The following SPOCK3 variants were observed in gnomAD, a reference collection of about 807,000 sequenced individuals.
SPOCK3 encodes testican-3.
Under a neutral mutation model 56.6 loss-of-function variants are expected in SPOCK3, and 30 were observed. That is an observed-to-expected ratio of 0.53 (90% confidence interval 0.40 to 0.72). The LOEUF is 0.72. Ranked by LOEUF, SPOCK3 falls within the 30% of genes least tolerant of loss-of-function variation. SPOCK3 has a pLI of 0.00. For synonymous variants in SPOCK3, 196 were observed against 183.3 expected (o/e 1.07, Z -0.56); for missense variants, 527 against 530.0 (o/e 0.99, Z 0.06).
At chr4:166,941,429 C>T (rs1338542557) in intron 4 of SPOCK3, among the ~76,000 whole-genome samples, 3 of 152,152 alleles carry the variant, frequency 2.0e-5, no homozygotes, top group Admixed American at 6.5e-5. Flanking sequence ...TTATCAATTG[C>T]AGTATTATTC....
intron 8 of SPOCK3, chr4:166,754,175 C>G (rs1318221210): frequency 8.8e-6 from 9 of 1,025,788 alleles, no homozygotes; most frequent in Non-Finnish European, 1.1e-5. Flanking sequence ...ACATTGTGGG[C>G]AAAGCAGATA....
chr4:167,066,952 G>C (rs556146418), intron 2 of SPOCK3, among the ~76,000 whole-genome samples: 25 of 151,884 alleles, frequency 1.6e-4, no homozygotes, highest in African/African-American at 5.5e-4. Context: ...CAACTGTTTG[G>C]TTCATTTGTG....
intron 2 of SPOCK3, among the ~76,000 whole-genome samples, chr4:167,193,424 ATTTTATATTATTGAGG>A (rs1174891290): frequency 6.9e-6 from 1 of 145,974 alleles, no homozygotes. Flanking sequence ...CTCCACATAC[ATTTTATATTATTGAGG>A]TAATACTTTA....
intron 2 of SPOCK3, among the ~76,000 whole-genome samples, chr4:167,126,556 A>G (rs1403975176): frequency 6.6e-6 from 1 of 150,566 alleles, no homozygotes; most frequent in African/African-American, 2.5e-5. Flanking sequence ...TCAAAAAAAC[A>G]AACAAAAAAA....
chr4:167,076,210 A>G (rs1258480988), intron 2 of SPOCK3, among the ~76,000 whole-genome samples: 1 of 151,922 alleles, frequency 6.6e-6, no homozygotes, highest in African/African-American at 2.4e-5. Flanking sequence ...GTGCCATACT[A>G]TAATGGTGGA....
intron 2 of SPOCK3, among the ~76,000 whole-genome samples, chr4:167,194,084 C>T (rs1732711399): frequency 6.6e-6 from 1 of 152,044 alleles, no homozygotes; most frequent in African/African-American, 2.4e-5. Flanking sequence ...CTGCTTTCTT[C>T]ACTCTTTTTC....
At chr4:166,815,656 T>C (rs1439706997) in intron 6 of SPOCK3, among the ~76,000 whole-genome samples, 3 of 151,970 alleles carry the variant, frequency 2.0e-5, no homozygotes, top group Admixed American at 2.0e-4. Context: ...GGTGGGCACC[T>C]ATAAGCCCAG....
intron 2 of SPOCK3, among the ~76,000 whole-genome samples, chr4:167,088,032 A>G (rs1278787723): frequency 1.3e-5 from 2 of 152,132 alleles, no homozygotes; most frequent in Non-Finnish European, 2.9e-5. Flanking sequence ...TCTATCAGAA[A>G]TAAGAGAAAT....
chr4:166,853,143 A>G (rs1730308095), intron 6 of SPOCK3, among the ~76,000 whole-genome samples: 1 of 152,212 alleles, frequency 6.6e-6, no homozygotes, highest in Admixed American at 6.5e-5. Context: ...CACATTTAAA[A>G]TTGTATCCAT....
In SPOCK3 at chr4:167,101,945, G is replaced by T. The variant is rs568189090; in HGVS notation, c.190-39408C>A. On this transcript the variant is annotated intron_variant, in intron 2 of 10. Coordinates refer to ENST00000357545, the MANE Select transcript of SPOCK3 (RefSeq NM_001040159.2). ...ACCATGTTGACCTCGTGATCTGCCC[G>T]CCTTGGGCTCCCAAAGTGCTGGGAT... Among the ~76,000 whole-genome samples, 6 of 151,424 alleles carry T rather than the reference G, an allele frequency of 4.0e-5. No individual in the cohort carries two copies. In the South Asian group the frequency reaches 1.3e-3, roughly 32 times the overall value.
At chr4:166,874,079 A>T (rs1360616428) in intron 6 of SPOCK3, among the ~76,000 whole-genome samples, 1 of 152,130 alleles carries the variant, frequency 6.6e-6, no homozygotes, top group East Asian at 1.9e-4. Context: ...TGCAGGGGAG[A>T]GAACAAAATC....
chr4:167,013,459 C>T (rs953896010), intron 3 of SPOCK3, among the ~76,000 whole-genome samples: 10 of 150,734 alleles, frequency 6.6e-5, no homozygotes, highest in African/African-American at 2.2e-4. Context: ...AAAATAGATG[C>T]CTTTCAGAAT....
At chr4:167,227,806 T>A (rs1736741468) in intron 2 of SPOCK3, among the ~76,000 whole-genome samples, 1 of 152,034 alleles carries the variant, frequency 6.6e-6, no homozygotes, top group African/African-American at 2.4e-5. Context: ...TCACTCTGAG[T>A]CACAATCATA....
intron 4 of SPOCK3, among the ~76,000 whole-genome samples, chr4:166,984,332 C>G (rs901964065): frequency 6.6e-6 from 1 of 151,974 alleles, no homozygotes; most frequent in Admixed American, 6.6e-5. Flanking sequence ...TATAAAACAT[C>G]GAAAACAATA....
intron 2 of SPOCK3, among the ~76,000 whole-genome samples, chr4:167,177,553 G>T (rs549778302): frequency 6.6e-6 from 1 of 152,184 alleles, no homozygotes; most frequent in South Asian, 2.1e-4. Flanking sequence ...TAGGCAAGAT[G>T]ATTTTGGAAG....
intron 2 of SPOCK3, among the ~76,000 whole-genome samples, chr4:167,066,616 G>T (rs988819413): frequency 6.6e-6 from 1 of 151,570 alleles, no homozygotes; most frequent in Non-Finnish European, 1.5e-5. Context: ...AACTGTATGG[G>T]TTTTTTTCTC....
At position 166,830,761 on chromosome 4, in the gene SPOCK3, C is replaced by T. The variant is rs568885707; in HGVS notation, c.590-38472G>A. 3.3e-5 allele frequency among the ~76,000 whole-genome samples: 5 copies of T among 151,974 alleles called. No individual in the cohort carries two copies. The East Asian group carries it at 7.8e-4, about 24-fold the overall frequency. On this transcript the variant is annotated intron_variant, in intron 6 of 10. Coordinates refer to ENST00000357545, the MANE Select transcript of SPOCK3 (RefSeq NM_001040159.2). ...CCCCGCCCCGCTCGAAAAAAAGATC[C>T]GACAATCATATCTTCTCGGTATTTT...
At chr4:167,061,603 C>A (rs1390121210) in intron 3 of SPOCK3, among the ~76,000 whole-genome samples, 1 of 151,880 alleles carries the variant, frequency 6.6e-6, no homozygotes, top group Non-Finnish European at 1.5e-5. Flanking sequence ...AAGTAAAAAT[C>A]TGGTAACATA....
rs1753762431 is a variant in SPOCK3 at position 167,046,666 on chromosome 4, CAGG to C, written c.235+15823_235+15825del. On this transcript the variant is annotated intron_variant, in intron 3 of 10. Coordinates refer to ENST00000357545, the MANE Select transcript of SPOCK3 (RefSeq NM_001040159.2). Reference sequence around the variant, plus strand: ...AGAGATGAAGTTTCACTGTGTTGGCCAGGGTGGTCTCGAACTCCTACCTCATAA... The same window carrying C: ...AGAGATGAAGTTTCACTGTGTTGGCCGTGGTCTCGAACTCCTACCTCATAA... Among the ~76,000 whole-genome samples, 3 of 151,716 alleles carry C rather than the reference CAGG, an allele frequency of 2.0e-5. No individual in the cohort carries two copies. In the South Asian group the frequency reaches 6.3e-4, roughly 32 times the overall value.
Sources: allele counts gnomAD v4.1 joint callset (sites outside exome capture counted in the v4.1 genomes callset), GRCh38; gene constraint gnomAD v4.1.1; transcripts MANE v1.5; gene names NCBI Gene and HGNC (gene_info 2026-07-23, HGNC 2026-07-21).